The following TNFSF9 variants were observed in gnomAD, a reference collection of about 807,000 sequenced individuals.
TNFSF9 encodes the protein tumor necrosis factor ligand superfamily member 9.
A neutral mutation model predicts 10.3 loss-of-function variants in TNFSF9; 10 were observed. The observed-to-expected ratio is 0.97, with a 90% CI of 0.60 to 1.65. TNFSF9 has a LOEUF of 1.65. Ranked by LOEUF, TNFSF9 falls within the 40% of genes most tolerant of loss-of-function variation. The pLI, the probability that TNFSF9 is intolerant of heterozygous loss-of-function variation, is 0.00. For synonymous variants in TNFSF9, 195 were observed against 176.1 expected, an observed-to-expected ratio of 1.11 and a Z score of -0.85; for missense variants, 361 against 348.9, an observed-to-expected ratio of 1.03 and a Z score of -0.28.
At chr19:6,531,831 G>T (rs1301561604) in intron 1 of TNFSF9, among the ~76,000 whole-genome samples, 1 of 151,942 alleles carries the variant, frequency 6.6e-6, no homozygotes, top group East Asian at 1.9e-4. Flanking sequence ...TCGGAGAAAG[G>T]CTGGCTTCCC....
At position 6,534,953 on chromosome 19, in the gene TNFSF9, A is replaced by C. The variant is rs574069184; in HGVS notation, c.652A>C (p.Thr218Pro). Residue 218 changes from threonine (T) to proline (P), a missense_variant, in exon 3 of 3, where the codon ACT becomes CCT. Thr to Pro is a conservative substitution (Grantham distance 38). Coordinates refer to ENST00000245817, the MANE Select transcript of TNFSF9 (RefSeq NM_003811.4). Reference sequence around the variant, plus strand: ...CCAGCGCCTGGGCGTCCATCTTCACACTGAGGCCAGGGCACGCCATGCCTG... The same window carrying C: ...CCAGCGCCTGGGCGTCCATCTTCACCCTGAGGCCAGGGCACGCCATGCCTG... ...AGQRLGVHLH[T>P]EARARHAWQL... 7.4e-6 allele frequency: 12 copies of C among 1,611,440 alleles called. No homozygotes were observed. The Admixed American group carries it at 1.7e-4, about 22-fold the overall frequency.
In TNFSF9 at chr19:6,534,589, T is replaced by A; in HGVS notation, c.299-11T>A. On this transcript the variant is annotated splice_polypyrimidine_tract_variant and intron_variant, in intron 2 of 2. Coordinates refer to ENST00000245817, the MANE Select transcript of TNFSF9 (RefSeq NM_003811.4). ...GCTCAGCTAAGCTAAGTGCATGCTT[T>A]CCTCCCACAGTTCTGCTGATCGATG... The A allele has an allele frequency of 1.3e-6, 2 of 1,556,646 alleles. No individual in the cohort carries two copies. The highest frequency in any genetic ancestry group is 1.7e-6 in the Non-Finnish European group (2 of 1,151,092).
At chr19:6,534,107 C>T (rs1236831974) in intron 2 of TNFSF9, among the ~76,000 whole-genome samples, 1 of 135,538 alleles carries the variant, frequency 7.4e-6, no homozygotes, top group Non-Finnish European at 1.6e-5. Flanking sequence ...TGTCCGAGAT[C>T]TGCTGCTCCC....
intron 2 of TNFSF9, 132 bp from the exon 3 acceptor site, chr19:6,534,468 C>G (rs1182137653): frequency 2.5e-6 from 2 of 808,708 alleles, no homozygotes; most frequent in Admixed American, 2.9e-5. Context: ...CTCCCTGCCC[C>G]GCCATTCCCC....
intron 1 of TNFSF9, 62 bp from the exon 2 acceptor site, chr19:6,532,724 G>A (rs1202783904): frequency 6.2e-7 from 1 of 1,612,534 alleles, no homozygotes; most frequent in African/African-American, 1.3e-5. Flanking sequence ...AAGTGAGTGG[G>A]GACAGAACCT....
chr19:6,534,503 T>C, intron 2 of TNFSF9, 97 bp from the exon 3 acceptor site: 1 of 1,160,370 alleles, frequency 8.6e-7, no homozygotes, highest in African/African-American at 1.6e-5. Flanking sequence ...GACCCGTTCT[T>C]TTCTCCCAGG....
At position 6,531,097 on chromosome 19, in the gene TNFSF9, G is replaced by T; in HGVS notation, c.61G>T (p.Ala21Ser). Residue 21 changes from alanine (A) to serine (S), a missense_variant, in exon 1 of 3, where the codon GCT becomes TCT. Coordinates refer to ENST00000245817, the MANE Select transcript of TNFSF9 (RefSeq NM_003811.4). ...PEAPWPPAPR[A>S]RACRVLPWAL... is the part of the protein sequence containing the mutation. ...AGCCCCGTGGCCTCCCGCGCCCCGC[G>T]CTCGCGCCTGCCGCGTACTGCCTTG... is the stretch of plus-strand genomic sequence containing the variant. 6.2e-7 allele frequency: 1 copy of T among 1,610,694 alleles called. No homozygotes were observed. Among genetic ancestry groups the T allele is most frequent in the Non-Finnish European group, 8.5e-7 (1 of 1,178,966 alleles).
chr19:6,532,635 G>A (rs916923839), intron 1 of TNFSF9, 151 bp from the exon 2 acceptor site: 14 of 952,886 alleles, frequency 1.5e-5, no homozygotes, highest in Middle Eastern at 2.6e-4. Context: ...GTGTGTGTGT[G>A]CGGTCTCTGT....
rs57826954 is a variant in TNFSF9 at position 6,535,287 on chromosome 19, TTA to T, written c.*237_*238del. On this transcript the variant is annotated 3_prime_UTR_variant, in exon 3 of 3. Transcript: ENST00000245817. ...GAGCTCAGATAATATATTATATATATTATATATATATATATATTTCTATTTAA... is the reference window on the plus strand; with the variant it reads ...GAGCTCAGATAATATATTATATATATTATATATATATATATTTCTATTTAA... 6,195 of 142,820 alleles carry T rather than the reference TTA, an allele frequency of 0.043. 438 individuals carry two copies. Among genetic ancestry groups the T allele is most frequent in the African/African-American group, 0.15 (5,796 of 37,926 alleles). The allele number at this position is 142,820 out of a possible 1,614,324, so 8.8% of individuals were successfully genotyped here.
intron 2 of TNFSF9, among the ~76,000 whole-genome samples, chr19:6,533,136 C>G (rs1446419335): frequency 6.6e-6 from 1 of 151,630 alleles, no homozygotes; most frequent in East Asian, 1.9e-4. Flanking sequence ...CTTTTCGAAA[C>G]CCTCTTCCCC....
At chr19:6,532,178 C>T (rs936338756) in intron 1 of TNFSF9, among the ~76,000 whole-genome samples, 2 of 152,148 alleles carry the variant, frequency 1.3e-5, no homozygotes, top group African/African-American at 4.8e-5. Flanking sequence ...CAGGGGAATA[C>T]CCCCAAGGGG....
intron 1 of TNFSF9, among the ~76,000 whole-genome samples, 171 bp downstream of exon 1, chr19:6,531,474 C>T (rs1224886151): frequency 6.6e-6 from 1 of 152,090 alleles, no homozygotes; most frequent in African/African-American, 2.4e-5. Context: ...GCCGGGGGGG[C>T]ACACCTTTCA....
Position 6,531,193 on chromosome 19 carries a change from T to C in TNFSF9, c.157T>C (p.Trp53Arg). ...AACAVFLACP[W>R]AVSGARASPG... ...CTGCGCCGTCTTCCTCGCCTGCCCC[T>C]GGGCCGTGTCCGGGGCTCGCGCCTC... Residue 53 changes from tryptophan to arginine, a missense_variant, in exon 1 of 3, where the codon TGG (tryptophan) becomes CGG (arginine). Physicochemically the swap from Trp to Arg is moderately radical, Grantham distance 101. Coordinates refer to ENST00000245817, the MANE Select transcript of TNFSF9 (RefSeq NM_003811.4). The C allele has an allele frequency of 1.3e-6, 2 of 1,569,480 alleles. No individual in the cohort carries two copies. Among genetic ancestry groups the C allele is most frequent in the Non-Finnish European group, 1.7e-6 (2 of 1,159,810 alleles).
Position 6,532,816 on chromosome 19 carries a change from G to A in TNFSF9, c.298G>A (p.Val100Ile). Residue 100 changes from valine (V) to isoleucine (I), a missense_variant and splice_region_variant, in exon 2 of 3, where the codon GTT becomes ATT. By Grantham distance (29) the Val-to-Ile change is conservative. Coordinates refer to ENST00000245817, the MANE Select transcript of TNFSF9 (RefSeq NM_003811.4). ...GTTTGCGCAGCTGGTGGCCCAAAAT[G>A]GTAAGTATCCTCCGCCACTTCCGGT... ...GMFAQLVAQN[V>I]LLIDGPLSWY... 6.2e-7 allele frequency: 1 copy of A among 1,613,728 alleles called. No homozygotes were observed. The highest frequency in any genetic ancestry group is 8.5e-7 in the Non-Finnish European group (1 of 1,179,784).
In TNFSF9 at chr19:6,534,482, C is replaced by T. The variant is rs937452140; in HGVS notation, c.299-118C>T. 5 of 1,025,322 alleles carry T rather than the reference C, an allele frequency of 4.9e-6. No individual in the cohort carries two copies. In the Admixed American group the frequency reaches 1.1e-4, roughly 22 times the overall value. 63.5% of individuals were successfully genotyped at this position (1,025,322 alleles called of 1,614,324 possible). ...GCTCCCTGCCCCGCCATTCCCCGCC[C>T]CCCGGCCCCTGACCCGTTCTTTTCT... On this transcript the variant is annotated intron_variant, in intron 2 of 2. Transcript: ENST00000245817.
chr19:6,531,172 G>A lies in TNFSF9; in HGVS notation c.136G>A (p.Ala46Thr). ...LLLLLLAAAC[A>T]VFLACPWAVS... ...GCTGCTGCTGCTCGCTGCCGCCTGC[G>A]CCGTCTTCCTCGCCTGCCCCTGGGC... Residue 46 changes from alanine (A) to threonine (T), a missense_variant, in exon 1 of 3, where the codon GCC becomes ACC. Coordinates refer to ENST00000245817, the MANE Select transcript of TNFSF9 (RefSeq NM_003811.4). 6.3e-7 allele frequency: 1 copy of A among 1,592,936 alleles called. No individual in the cohort carries two copies. Among genetic ancestry groups the A allele is most frequent in the African/African-American group, 1.4e-5 (1 of 73,566 alleles).
rs1394063227 is a variant in TNFSF9, at chr19:6,531,115, C to T, written c.79C>T (p.Leu27=). The T allele has an allele frequency of 4.3e-6, 7 of 1,609,370 alleles. No individual in the cohort carries two copies. The highest frequency in any genetic ancestry group is 5.9e-6 in the Non-Finnish European group (7 of 1,178,350). ...GCCCCGCGCTCGCGCCTGCCGCGTA[C>T]TGCCTTGGGCCCTGGTCGCGGGGCT... is the stretch of plus-strand genomic sequence containing the variant. The part of the protein sequence containing the change: ...PAPRARACRV[L]PWALVAGLLL... The change falls in exon 1 of 3, where the codon CTG becomes TTG. Residue 27 remains leucine (L), a synonymous_variant. Coordinates refer to ENST00000245817, the MANE Select transcript of TNFSF9 (RefSeq NM_003811.4).
At position 6,532,743 on chromosome 19, in the gene TNFSF9, T is replaced by C. The variant is rs758353506; in HGVS notation, c.268-43T>C. On this transcript the variant is annotated intron_variant, in intron 1 of 2. Coordinates refer to ENST00000245817, the MANE Select transcript of TNFSF9 (RefSeq NM_003811.4). ...GAGTGGGGACAGAACCTCCATTTTC[T>C]AGGGGAACCCCCATCCACTTTCCTC... 3 of 1,613,630 alleles carry C rather than the reference T, an allele frequency of 1.9e-6. No homozygotes were observed. The South Asian group carries it at 3.3e-5, about 18-fold the overall frequency.
chr19:6,531,047 C>T lies in TNFSF9; in HGVS notation c.11C>T (p.Ala4Val). Residue 4 changes from alanine (A) to valine (V), a missense_variant, in exon 1 of 3, where the codon GCC becomes GTC. By Grantham distance (64) the Ala-to-Val change is moderately conservative. Transcript: ENST00000245817. MEY[A>V]SDASLDPEAP... ...CCGCAGTCTCTCGTCATGGAATACG[C>T]CTCTGACGCTTCACTGGACCCCGAA... is the stretch of plus-strand genomic sequence containing the variant. 6.2e-7 allele frequency: 1 copy of T among 1,611,154 alleles called. No individual in the cohort carries two copies. Among genetic ancestry groups the T allele is most frequent in the Non-Finnish European group, 8.5e-7 (1 of 1,179,078 alleles).
Sources: allele counts gnomAD v4.1 joint callset (sites outside exome capture counted in the v4.1 genomes callset), GRCh38; gene constraint gnomAD v4.1.1; transcripts MANE v1.5; gene names NCBI Gene and HGNC (gene_info 2026-07-23, HGNC 2026-07-21).